The following GALNT4 variants were observed in gnomAD, a reference collection of about 807,000 sequenced individuals.
The protein encoded by GALNT4 is polypeptide N-acetylgalactosaminyltransferase 4, also known as UDP-GalNAc:polypeptide N-acetylgalactosaminyltransferase 4.
A neutral mutation model predicts 45.1 loss-of-function variants in GALNT4; 23 were observed. That is an observed-to-expected ratio of 0.51 (90% CI 0.37 to 0.72). GALNT4 has a LOEUF of 0.72. Among genes scored for constraint, GALNT4 ranks in the 30% least tolerant of loss-of-function variants. The pLI, the probability that GALNT4 is intolerant of heterozygous loss-of-function variation, is 0.00. For missense variants in GALNT4, 757 were observed against 709.0 expected (o/e 1.07, Z -0.77); for synonymous variants, 264 against 257.6 (o/e 1.02, Z -0.24).
Position 89,522,424 on chromosome 12 carries a change from T to A in GALNT4, c.*389A>T. 2.7e-6 allele frequency: 1 copy of A among 370,894 alleles called. No individual in the cohort carries two copies. Among genetic ancestry groups the A allele is most frequent in the Non-Finnish European group, 4.8e-6 (1 of 209,778 alleles). The allele number at this position is 370,894 out of a possible 1,614,324, so 23.0% of individuals were successfully genotyped here. ...GCTCAAACTGCACATTCATGAGTTT[T>A]GTTAAAAAGTGGGATGTGCGGTGAA... On this transcript the variant is annotated 3_prime_UTR_variant, in exon 1 of 1. Transcript: ENST00000529983.
In GALNT4 at chr12:89,520,745, G is replaced by A. The variant is rs1870780373; in HGVS notation, c.*2068C>T. On this transcript the variant is annotated 3_prime_UTR_variant, in exon 1 of 1. Transcript: ENST00000529983. ...AAATTCCTACTCTCCAAGTCATCAAGTGAACACTAAAAGCAACTTTACTCG... is the reference window on the plus strand; with the variant it reads ...AAATTCCTACTCTCCAAGTCATCAAATGAACACTAAAAGCAACTTTACTCG... 6.6e-6 allele frequency: 1 copy of A among 152,184 alleles called. No individual in the cohort carries two copies. Among genetic ancestry groups the A allele is most frequent in the Admixed American group, 6.5e-5 (1 of 15,284 alleles). The allele number at this position is 152,184 out of a possible 1,614,324, so 9.4% of individuals were successfully genotyped here.
In GALNT4 at chr12:89,522,524, A is replaced by C; in HGVS notation, c.*289T>G. The stretch of plus-strand genomic sequence containing the variant: ...CTTTAATATTAAGTCTGGCACTTAA[A>C]TGTTTTGTGTGTTTCAATTCATAGT... On this transcript the variant is annotated 3_prime_UTR_variant, in exon 1 of 1. Coordinates refer to ENST00000529983, the MANE Select transcript of GALNT4 (RefSeq NM_003774.5). 1 of 350,848 alleles carries C rather than the reference A, an allele frequency of 2.9e-6. No individual in the cohort carries two copies. Among genetic ancestry groups the C allele is most frequent in the Non-Finnish European group, 5.1e-6 (1 of 197,824 alleles). 21.7% of individuals were successfully genotyped at this position (350,848 alleles called of 1,614,324 possible). A position where few individuals can be genotyped will look rare whatever the true frequency, so the allele number is the denominator to read the frequency against.
In GALNT4 at chr12:89,524,753, T is replaced by A. The variant is rs1871270588; in HGVS notation, c.-204A>T. 1 of 637,344 alleles carries A rather than the reference T, an allele frequency of 1.6e-6. No homozygotes were observed. The highest frequency in any genetic ancestry group is 2.8e-6 in the Non-Finnish European group (1 of 361,340). The allele number at this position is 637,344 out of a possible 1,614,324, so 39.5% of individuals were successfully genotyped here. A position where few individuals can be genotyped will look rare whatever the true frequency, so the allele number is the denominator to read the frequency against. Reference sequence around the variant, plus strand: ...GGCCTCCGGCACAGCCCAACTCCTCTCTCCCTACTTCCTCCTGCTCGGCTC... The same window carrying A: ...GGCCTCCGGCACAGCCCAACTCCTCACTCCCTACTTCCTCCTGCTCGGCTC... On this transcript the variant is annotated 5_prime_UTR_variant, in exon 1 of 1. Transcript: ENST00000529983.
At position 89,523,966 on chromosome 12, in the gene GALNT4, C is replaced by A; in HGVS notation, c.584G>T (p.Arg195Ile). The change falls in exon 1 of 1, where the codon AGA (arginine) becomes ATA (isoleucine). Residue 195 changes from arginine to isoleucine, a missense_variant. Physicochemically the swap from Arg to Ile is moderately conservative, Grantham distance 97. Transcript: ENST00000529983. The stretch of plus-strand genomic sequence containing the variant: ...CTTATTGGTCCTAATCAAGCGTACT[C>A]TATCAAGATTGCTGATGTAAGTTTC... The part of the protein sequence containing the change: ...QLETYISNLD[R>I]VRLIRTNKRE... The A allele has an allele frequency of 1.2e-6, 2 of 1,613,872 alleles. No individual in the cohort carries two copies. The highest frequency in any genetic ancestry group is 1.7e-6 in the Non-Finnish European group (2 of 1,179,848).
At position 89,524,528 on chromosome 12, in the gene GALNT4, C is replaced by G. The variant is rs1360374149; in HGVS notation, c.22G>C (p.Ala8Pro). 6.2e-7 allele frequency: 1 copy of G among 1,611,512 alleles called. No individual in the cohort carries two copies. The highest frequency in any genetic ancestry group is 8.5e-7 in the Non-Finnish European group (1 of 1,179,902). Residue 8 changes from alanine to proline, a missense_variant, in exon 1 of 1, where the codon GCA becomes CCA. Coordinates refer to ENST00000529983, the MANE Select transcript of GALNT4 (RefSeq NM_003774.5). MAVRWTW[A>P]GKSCLLLAFL... ...GCCAGCAGCAGGCAGCTCTTGCCTG[C>G]CCAAGTCCACCTCACCGCCATCCGG... is the stretch of plus-strand genomic sequence containing the variant.
At position 89,523,995 on chromosome 12, in the gene GALNT4, T is replaced by C. The variant is rs768194463; in HGVS notation, c.555A>G (p.Gln185=). The C allele has an allele frequency of 4.3e-6, 7 of 1,613,904 alleles. No individual in the cohort carries two copies. Among genetic ancestry groups the C allele is most frequent in the East Asian group, 2.2e-5 (1 of 44,890 alleles). ...DLSDRVYLKT[Q]LETYISNLDR... is the part of the protein sequence containing the mutation. ...CAAGATTGCTGATGTAAGTTTCAAGTTGTGTCTTCAAATAAACTCTGTCAC... is the reference window on the plus strand; with the variant it reads ...CAAGATTGCTGATGTAAGTTTCAAGCTGTGTCTTCAAATAAACTCTGTCAC... Residue 185 remains glutamine, a synonymous_variant, in exon 1 of 1, where the codon CAA becomes CAG. Coordinates refer to ENST00000529983, the MANE Select transcript of GALNT4 (RefSeq NM_003774.5).
At position 89,523,794 on chromosome 12, in the gene GALNT4, C is replaced by A. The variant is rs199755623; in HGVS notation, c.756G>T (p.Val252=). The stretch of plus-strand genomic sequence containing the variant: ...AATCAATTGTGTCTATAACAGGACA[C>A]ACAACTGCTGTTTCATCTCTCCCAA... ...ERIGRDETAV[V]CPVIDTIDWN... Residue 252 remains valine, a synonymous_variant, in exon 1 of 1, where the codon GTG becomes GTT. Transcript: ENST00000529983. 25 of 1,535,004 alleles carry A rather than the reference C, an allele frequency of 1.6e-5. No individual in the cohort carries two copies. The highest frequency in any genetic ancestry group is 2.0e-5 in the Non-Finnish European group (23 of 1,146,378).
At position 89,521,963 on chromosome 12, in the gene GALNT4, A is replaced by C; in HGVS notation, c.*850T>G. 2.5e-6 allele frequency: 1 copy of C among 398,986 alleles called. No individual in the cohort carries two copies. Among genetic ancestry groups the C allele is most frequent in the Admixed American group, 4.4e-5 (1 of 22,740 alleles). 24.7% of individuals were successfully genotyped at this position (398,986 alleles called of 1,614,324 possible). A position where few individuals can be genotyped will look rare whatever the true frequency, so the allele number is the denominator to read the frequency against. The stretch of plus-strand genomic sequence containing the variant: ...GCTTCAATTGTGTTTACTTTAAATG[A>C]TTAAGCATTAACAAAGGGAGGCATA... On this transcript the variant is annotated 3_prime_UTR_variant, in exon 1 of 1. Coordinates refer to ENST00000529983, the MANE Select transcript of GALNT4 (RefSeq NM_003774.5).
rs372408223 is a variant in GALNT4 at position 89,523,250 on chromosome 12, T to C, written c.1300A>G (p.Asn434Asp). Residue 434 changes from asparagine to aspartate, a missense_variant, in exon 1 of 1, where the codon AAT becomes GAT. Transcript: ENST00000529983. ...GGTCTATCCTCTGGAACATGTAAAT[T>C]AGGAAAAACGTTTTTCAAATACCAG... ...FDWYLKNVFP[N>D]LHVPEDRPGW... The C allele has an allele frequency of 6.4e-5, 103 of 1,613,890 alleles. No homozygotes were observed. Among genetic ancestry groups the C allele is most frequent in the Admixed American group, 2.0e-4 (12 of 60,008 alleles).
In GALNT4 at chr12:89,522,696, C is replaced by T; in HGVS notation, c.*117G>A. The stretch of plus-strand genomic sequence containing the variant: ...AATGAACCCCAGCTTTCCAGTGCTC[C>T]ACAGATGACTGCTAGGTGGCTTTTG... On this transcript the variant is annotated 3_prime_UTR_variant, in exon 1 of 1. Coordinates refer to ENST00000529983, the MANE Select transcript of GALNT4 (RefSeq NM_003774.5). The T allele has an allele frequency of 7.4e-7, 1 of 1,359,096 alleles. No homozygotes were observed. Among genetic ancestry groups the T allele is most frequent in the Non-Finnish European group, 9.8e-7 (1 of 1,019,252 alleles). 84.2% of individuals were successfully genotyped at this position (1,359,096 alleles called of 1,614,324 possible). A position where few individuals can be genotyped will look rare whatever the true frequency, so the allele number is the denominator to read the frequency against.
Position 89,524,175 on chromosome 12 carries a change from C to T in GALNT4, c.375G>A (p.Lys125=). 1 of 1,614,014 alleles carries T rather than the reference C, an allele frequency of 6.2e-7. No individual in the cohort carries two copies. The highest frequency in any genetic ancestry group is 1.3e-5 in the African/African-American group (1 of 75,040). Residue 125 remains lysine (K), a synonymous_variant, in exon 1 of 1, where the codon AAG becomes AAA. Coordinates refer to ENST00000529983, the MANE Select transcript of GALNT4 (RefSeq NM_003774.5). Reference sequence around the variant, plus strand: ...GTGTCCTATAGTTGAACTTCTGGGACTTACACTCATACATTCTTTTATCCT... The same window carrying T: ...GTGTCCTATAGTTGAACTTCTGGGATTTACACTCATACATTCTTTTATCCT... ...HIEDKRMYEC[K]SQKFNYRTLP... is the part of the protein sequence containing the mutation.
rs758937502 is a variant in GALNT4, at chr12:89,523,758, A to G, written c.792T>C (p.Phe264=). ...PVIDTIDWNT[F]EFYMQIGEPM... The stretch of plus-strand genomic sequence containing the variant: ...GCTCCCCTATCTGCATATAGAATTC[A>G]AAAGTATTCCAATCAATTGTGTCTA... Residue 264 remains phenylalanine, a synonymous_variant, in exon 1 of 1, where the codon TTT becomes TTC. Transcript: ENST00000529983. The G allele has an allele frequency of 1.2e-5, 19 of 1,541,218 alleles. No individual in the cohort carries two copies. The highest frequency in any genetic ancestry group is 1.7e-5 in the Non-Finnish European group (19 of 1,150,740).
In GALNT4 at chr12:89,523,994, G is replaced by A. The variant is rs374204837; in HGVS notation, c.556C>T (p.Leu186Phe). The A allele has an allele frequency of 7.2e-5, 117 of 1,613,880 alleles. No homozygotes were observed. The highest frequency in any genetic ancestry group is 9.7e-5 in the Non-Finnish European group (115 of 1,179,858). ...LSDRVYLKTQ[L>F]ETYISNLDRV... ...TCAAGATTGCTGATGTAAGTTTCAA[G>A]TTGTGTCTTCAAATAAACTCTGTCA... The change falls in exon 1 of 1, where the codon CTT becomes TTT. Residue 186 changes from leucine to phenylalanine, a missense_variant. By Grantham distance (22) the Leu-to-Phe change is conservative. Coordinates refer to ENST00000529983, the MANE Select transcript of GALNT4 (RefSeq NM_003774.5).
In GALNT4 at chr12:89,523,189, G is replaced by C; in HGVS notation, c.1361C>G (p.Ser454Trp). The change falls in exon 1 of 1, where the codon TCG becomes TGG. Residue 454 changes from serine to tryptophan, a missense_variant. Ser to Trp is a radical substitution (Grantham distance 177, BLOSUM62 -3). Transcript: ENST00000529983. ...AGAATTATAATCTAAACATTCAGAC[G>C]AGATCCCTCTACTGCGAATAGCCCC... is the stretch of plus-strand genomic sequence containing the variant. Reference protein sequence around the residue: ...WHGAIRSRGISSECLDYNSPD... With the variant: ...WHGAIRSRGIWSECLDYNSPD... The C allele has an allele frequency of 6.2e-7, 1 of 1,613,864 alleles. No homozygotes were observed. The highest frequency in any genetic ancestry group is 8.5e-7 in the Non-Finnish European group (1 of 1,179,790).
Position 89,522,901 on chromosome 12 carries a change from G to A in GALNT4, c.1649C>T (p.Ala550Val), listed in dbSNP as rs781142653. The A allele has an allele frequency of 6.2e-6, 10 of 1,613,994 alleles. No homozygotes were observed. In the Admixed American group the frequency reaches 1.3e-4, roughly 22 times the overall value. The change falls in exon 1 of 1, where the codon GCT becomes GTT. Residue 550 changes from alanine to valine, a missense_variant. Ala to Val is a moderately conservative substitution (Grantham distance 64, BLOSUM62 0). Coordinates refer to ENST00000529983, the MANE Select transcript of GALNT4 (RefSeq NM_003774.5). ...FHPHSGLCLS[A>V]YRTPEGRPDV... Reference sequence around the variant, plus strand: ...AGGTCGGCCCTCCGGTGTCCGATAAGCACTAAGACACAGTCCTGAGTGTGG... The same window carrying A: ...AGGTCGGCCCTCCGGTGTCCGATAAACACTAAGACACAGTCCTGAGTGTGG...
chr12:89,522,815 AT>A lies in GALNT4; in HGVS notation c.1734del (p.Lys578AsnfsTer77). ...LDKNQIWSFE[K>X] ...CATGACGAAAGTGCTGTTGTGCTCT[AT>A]TTCTCAAAACTCCAAATTTGATTTT... On this transcript the variant is annotated frameshift_variant, in exon 1 of 1. Transcript: ENST00000529983. LOFTEE classifies it high-confidence loss of function. 1 of 1,576,226 alleles carries A rather than the reference AT, an allele frequency of 6.3e-7. No individual in the cohort carries two copies. The highest frequency in any genetic ancestry group is 8.6e-7 in the Non-Finnish European group (1 of 1,162,760).
Position 89,523,956 on chromosome 12 carries a change from C to G in GALNT4, c.594G>C (p.Leu198Phe), listed in dbSNP as rs1158849366. 1 of 1,613,708 alleles carries G rather than the reference C, an allele frequency of 6.2e-7. No individual in the cohort carries two copies. The highest frequency in any genetic ancestry group is 8.5e-7 in the Non-Finnish European group (1 of 1,179,790). The stretch of plus-strand genomic sequence containing the variant: ...GCCCCTCTCGCTTATTGGTCCTAAT[C>G]AAGCGTACTCTATCAAGATTGCTGA... ...TYISNLDRVR[L>F]IRTNKREGLV... The change falls in exon 1 of 1, where the codon TTG (leucine) becomes TTC (phenylalanine). Residue 198 changes from leucine to phenylalanine, a missense_variant. Transcript: ENST00000529983.
Position 89,522,815 on chromosome 12 carries a change from A to G in GALNT4, c.1735T>C (p.Ter579GlnextTer8), listed in dbSNP as rs1031837720. The G allele has an allele frequency of 1.2e-5, 19 of 1,576,226 alleles. No individual in the cohort carries two copies. Among genetic ancestry groups the G allele is most frequent in the South Asian group, 7.1e-5 (6 of 84,248 alleles). Residue 579 changes from the stop codon to glutamine, a stop_lost, in exon 1 of 1, where the codon TAG (stop) becomes CAG (glutamine). Transcript: ENST00000529983. ...DKNQIWSFEK[*>Q] is the part of the protein sequence containing the mutation. Reference sequence around the variant, plus strand: ...CATGACGAAAGTGCTGTTGTGCTCTATTTCTCAAAACTCCAAATTTGATTT... The same window carrying G: ...CATGACGAAAGTGCTGTTGTGCTCTGTTTCTCAAAACTCCAAATTTGATTT...
rs766060100 is a variant in GALNT4, at chr12:89,524,404, A to C, written c.146T>G (p.Leu49Arg). Reference protein sequence around the residue: ...GRARELGSRRLSDLQKNTEDL... With the variant: ...GRARELGSRRRSDLQKNTEDL... ...CTCCGTATTTTTCTGGAGGTCTGAG[A>C]GCCTTCTTGACCCCAGCTCCCTGGC... Residue 49 changes from leucine to arginine, a missense_variant, in exon 1 of 1, where the codon CTC becomes CGC. Coordinates refer to ENST00000529983, the MANE Select transcript of GALNT4 (RefSeq NM_003774.5). 13 of 1,613,860 alleles carry C rather than the reference A, an allele frequency of 8.1e-6. No individual in the cohort carries two copies. The highest frequency in any genetic ancestry group is 1.1e-5 in the Non-Finnish European group (13 of 1,179,910).
Sources: gnomAD v4.1 joint callset for allele counts on GRCh38, gnomAD v4.1.1 for gene constraint, MANE v1.5 for transcripts, NCBI Gene and HGNC (gene_info 2026-07-23, HGNC 2026-07-21) for gene names.